The following NECAB1 variants were observed in gnomAD, a reference collection of about 807,000 sequenced individuals.
NECAB1 encodes the protein N-terminal EF-hand calcium-binding protein 1.
NECAB1 carries 29 observed loss-of-function variants against 57.5 expected under a neutral mutation model. The observed-to-expected ratio is 0.50, with a 90% CI of 0.38 to 0.69. The LOEUF (loss-of-function observed/expected upper bound fraction) is 0.69, where lower values mean the gene tolerates loss of function less well. NECAB1 is among the 30% of genes least tolerant of loss of function. NECAB1 has a pLI of 0.00. For synonymous variants in NECAB1, 142 were observed against 147.7 expected (o/e 0.96, Z 0.28); for missense variants, 372 against 413.8 (o/e 0.90, Z 0.88).
intron 7 of NECAB1, among the ~76,000 whole-genome samples, chr8:90,927,548 A>G (rs553706646): frequency 6.6e-6 from 1 of 152,000 alleles, no homozygotes; most frequent in African/African-American, 2.4e-5. Flanking sequence ...CCCTTTGCAT[A>G]ACAATGTTAA....
chr8:90,796,039 A>G (rs1270287018), intron 1 of NECAB1, among the ~76,000 whole-genome samples: 2 of 152,190 alleles, frequency 1.3e-5, no homozygotes, highest in Non-Finnish European at 2.9e-5. Flanking sequence ...GTTATCATAC[A>G]TTAAAAATTG....
chr8:90,842,567 A>C (rs1812472652), intron 3 of NECAB1, among the ~76,000 whole-genome samples: 1 of 152,312 alleles, frequency 6.6e-6, no homozygotes, highest in South Asian at 2.1e-4. Context: ...CTGCTAGAGC[A>C]GCTTGTCTGC....
At chr8:90,819,878 A>G (rs933333478) in intron 2 of NECAB1, among the ~76,000 whole-genome samples, 7 of 151,752 alleles carry the variant, frequency 4.6e-5, no homozygotes, top group Admixed American at 4.0e-4. Flanking sequence ...CATTTGGGGT[A>G]TATTTCTTGA....
chr8:90,873,141 C>T (rs1808649858), intron 4 of NECAB1, among the ~76,000 whole-genome samples: 1 of 152,288 alleles, frequency 6.6e-6, no homozygotes, highest in South Asian at 2.1e-4. Context: ...GCATAATCTC[C>T]AACAACGACC....
chr8:90,942,808 G>A (rs1035838390), intron 10 of NECAB1, among the ~76,000 whole-genome samples: 9 of 152,140 alleles, frequency 5.9e-5, no homozygotes, highest in African/African-American at 1.9e-4. Context: ...CTTGAACCCC[G>A]GAGGCGGAGG....
At chr8:90,906,626 A>G (rs1809657170) in intron 5 of NECAB1, among the ~76,000 whole-genome samples, 1 of 152,050 alleles carries the variant, frequency 6.6e-6, no homozygotes, top group Non-Finnish European at 1.5e-5. Context: ...GTACATTCAA[A>G]TAATATTTGC....
chr8:90,914,944 G>A (rs547997374), intron 5 of NECAB1, among the ~76,000 whole-genome samples: 1 of 152,120 alleles, frequency 6.6e-6, no homozygotes, highest in African/African-American at 2.4e-5. Flanking sequence ...GCAATGACTG[G>A]AATGTTTAAA....
intron 3 of NECAB1, among the ~76,000 whole-genome samples, chr8:90,832,414 A>T (rs1024026013): frequency 6.6e-6 from 1 of 152,176 alleles, no homozygotes; most frequent in Non-Finnish European, 1.5e-5. Flanking sequence ...AGAATTTATA[A>T]AGGAGAGAAT....
At chr8:90,911,718 A>G (rs549013219) in intron 5 of NECAB1, among the ~76,000 whole-genome samples, 1 of 152,212 alleles carries the variant, frequency 6.6e-6, no homozygotes, top group Admixed American at 6.5e-5. Flanking sequence ...CACTAGCTAC[A>G]TATTTGTCCT....
intron 8 of NECAB1, among the ~76,000 whole-genome samples, chr8:90,931,658 C>CTT (rs1235982965): frequency 6.6e-6 from 1 of 152,084 alleles, no homozygotes; most frequent in African/African-American, 2.4e-5. Context: ...AATCCCGGCA[C>CTT]TTTGGGAGGC....
intron 4 of NECAB1, among the ~76,000 whole-genome samples, chr8:90,876,319 G>T (rs760746780): frequency 6.6e-6 from 1 of 152,114 alleles, no homozygotes; most frequent in African/African-American, 2.4e-5. Context: ...CCTCAAAATA[G>T]CCCACATTTC....
intron 3 of NECAB1, among the ~76,000 whole-genome samples, chr8:90,839,754 G>A (rs962644782): frequency 6.6e-6 from 1 of 152,166 alleles, no homozygotes; most frequent in African/African-American, 2.4e-5. Flanking sequence ...GGTGGAGAGA[G>A]GCTAGAAAAG....
chr8:90,853,555 C>T (rs1812730681), intron 3 of NECAB1, among the ~76,000 whole-genome samples: 1 of 152,074 alleles, frequency 6.6e-6, no homozygotes, highest in Non-Finnish European at 1.5e-5. Context: ...ACTAATACTT[C>T]TTAGAGTATT....
chr8:90,872,015 A>G (rs7813402), intron 3 of NECAB1, 113 bp from the exon 4 acceptor site: 271,967 of 771,048 alleles, frequency 0.35, 54,955 homozygotes, highest in East Asian at 0.73. Flanking sequence ...CCTTAACTAC[A>G]TACCATCAAT....
At chr8:90,953,777 A>C (rs1246088264) in intron 12 of NECAB1, among the ~76,000 whole-genome samples, 1 of 152,226 alleles carries the variant, frequency 6.6e-6, no homozygotes, top group Non-Finnish European at 1.5e-5. Flanking sequence ...GATTAAAAAT[A>C]AAAATAATTA....
rs191640083 is a variant in NECAB1 at position 90,797,963 on chromosome 8, A to G, written c.100-3728A>G. On this transcript the variant is annotated intron_variant, in intron 1 of 12. Coordinates refer to ENST00000417640, the MANE Select transcript of NECAB1 (RefSeq NM_022351.5). ...TAGGGCTGCTCTAACAAACTATCAC[A>G]ATAGAATGTACCCTCCACAGTTCTG... is the stretch of plus-strand genomic sequence containing the variant. 9.5e-4 allele frequency among the ~76,000 whole-genome samples: 145 copies of G among 152,276 alleles called. 1 individual carries two copies. The highest frequency in any genetic ancestry group is 8.4e-3 in the Admixed American group (129 of 15,304).
intron 1 of NECAB1, among the ~76,000 whole-genome samples, chr8:90,800,179 C>T (rs765288221): frequency 1.5e-4 from 23 of 152,088 alleles, no homozygotes; most frequent in African/African-American, 4.8e-4. Flanking sequence ...TTATTGAAGT[C>T]GTTTATCAGT....
intron 5 of NECAB1, among the ~76,000 whole-genome samples, chr8:90,913,104 T>G (rs1809867131): frequency 6.6e-6 from 1 of 152,304 alleles, no homozygotes. Context: ...CTCAGATGAT[T>G]CTATCAACCT....
chr8:90,825,232 G>A (rs1812203701), intron 3 of NECAB1: 1 of 152,388 alleles, frequency 6.6e-6, no homozygotes, highest in Non-Finnish European at 1.5e-5. Context: ...AATTGTAGCA[G>A]TTATCTGGAC....
Sources: gnomAD v4.1 joint callset for allele counts (sites outside exome capture counted in the v4.1 genomes callset) on GRCh38, gnomAD v4.1.1 for gene constraint, MANE v1.5 for transcripts, NCBI Gene and HGNC (gene_info 2026-07-23, HGNC 2026-07-21) for gene names.